Variants in CSGALNACT2 observed in about 807,000 individuals in gnomAD.
CSGALNACT2 encodes the protein chondroitin sulfate N-acetylgalactosaminyltransferase 2.
Under a neutral mutation model 55.3 loss-of-function variants are expected in CSGALNACT2, and 35 were observed. The observed-to-expected ratio is 0.63, with a 90% CI of 0.48 to 0.84. CSGALNACT2 has a LOEUF of 0.84. Among genes scored for constraint, CSGALNACT2 ranks in the 40% least tolerant of loss-of-function variants. The probability of loss-of-function intolerance (pLI) is 0.00; values close to 1 mark genes in which losing one functional copy is unlikely to be tolerated. For missense variants in CSGALNACT2, 544 were observed against 657.5 expected, an observed-to-expected ratio of 0.83 and a Z score of 1.89; for synonymous variants, 196 against 224.9, an observed-to-expected ratio of 0.87 and a Z score of 1.15.
chr10:43,158,575 G>T (rs895013969), intron 2 of CSGALNACT2, 140 bp from the exon 3 acceptor site: 11 of 595,196 alleles, frequency 1.8e-5, no homozygotes, highest in Middle Eastern at 7.2e-4. Flanking sequence ...GTGCAGTGGG[G>T]ATAAGTATTT....
chr10:43,168,151 G>A (rs968595748), intron 6 of CSGALNACT2, among the ~76,000 whole-genome samples: 5 of 152,110 alleles, frequency 3.3e-5, no homozygotes, highest in African/African-American at 7.2e-5. Context: ...AGTATTTTAT[G>A]AATAAAAGAG....
intron 6 of CSGALNACT2, among the ~76,000 whole-genome samples, chr10:43,168,598 G>A (rs78346520): frequency 0.044 from 6,663 of 151,810 alleles, 182 homozygotes; most frequent in South Asian, 0.09. Context: ...GGTAATATTA[G>A]CACCATATGA....
At chr10:43,165,023 A>G (rs1209588439) in intron 5 of CSGALNACT2, among the ~76,000 whole-genome samples, 1 of 152,058 alleles carries the variant, frequency 6.6e-6, no homozygotes, top group African/African-American at 2.4e-5. Flanking sequence ...AGAGATGGAG[A>G]CCATCCTGGC....
intron 3 of CSGALNACT2, 59 bp from the exon 4 acceptor site, chr10:43,160,435 T>C (rs1035138361): frequency 1.2e-6 from 1 of 857,576 alleles, no homozygotes; most frequent in Non-Finnish European, 1.9e-6. Context: ...GTGGTTGCTT[T>C]CTTAATGAAT....
At chr10:43,151,881 AT>A (rs945321467) in intron 1 of CSGALNACT2, among the ~76,000 whole-genome samples, 5 of 152,030 alleles carry the variant, frequency 3.3e-5, no homozygotes, top group African/African-American at 1.2e-4. Flanking sequence ...CTTGAAAATC[AT>A]TGTTTCATAT....
intron 7 of CSGALNACT2, among the ~76,000 whole-genome samples, chr10:43,178,538 A>G (rs999111155): frequency 2.6e-5 from 4 of 151,094 alleles, no homozygotes; most frequent in African/African-American, 9.7e-5. Flanking sequence ...GGAGAATGGC[A>G]TGAACCTGGG....
chr10:43,167,060 G>T lies in CSGALNACT2; in HGVS notation c.1216G>T (p.Ala406Ser), dbSNP rs1376906534. 1 of 1,613,148 alleles carries T rather than the reference G, an allele frequency of 6.2e-7. No individual in the cohort carries two copies. The highest frequency in any genetic ancestry group is 2.2e-5 in the East Asian group (1 of 44,850). ...FSLYNPAIVY[A>S]NQEVPPPVEQ... is the part of the protein sequence containing the mutation. ...TCTTTACAATCCTGCCATTGTTTAT[G>T]CCAACCAGGAAGTGCCACCACCTGT... The change falls in exon 6 of 8, where the codon GCC becomes TCC. Residue 406 changes from alanine to serine, a missense_variant. Transcript: ENST00000374466.
intron 4 of CSGALNACT2, chr10:43,162,492 G>C: frequency 1.0e-6 from 1 of 985,364 alleles, no homozygotes; most frequent in Non-Finnish European, 1.2e-6. Context: ...GAGTATGTGG[G>C]GTGGCAATGG....
At chr10:43,147,446 C>T (rs928451089) in intron 1 of CSGALNACT2, among the ~76,000 whole-genome samples, 2 of 152,188 alleles carry the variant, frequency 1.3e-5, no homozygotes, top group African/African-American at 2.4e-5. Flanking sequence ...CTTGTCTTCT[C>T]ATTCTCTTAA....
intron 7 of CSGALNACT2, among the ~76,000 whole-genome samples, chr10:43,180,826 C>T (rs927658511): frequency 1.3e-5 from 2 of 152,198 alleles, no homozygotes; most frequent in Non-Finnish European, 2.9e-5. Context: ...CTGAATTTCA[C>T]ACATGCTTCT....
At chr10:43,152,607 T>C (rs1342498469) in intron 1 of CSGALNACT2, among the ~76,000 whole-genome samples, 1 of 152,188 alleles carries the variant, frequency 6.6e-6, no homozygotes, top group African/African-American at 2.4e-5. Flanking sequence ...AAACCTTCAG[T>C]AGTGACCTAT....
At chr10:43,158,415 T>C (rs1447569200) in intron 2 of CSGALNACT2, among the ~76,000 whole-genome samples, 1 of 152,218 alleles carries the variant, frequency 6.6e-6, no homozygotes, top group East Asian at 1.9e-4. Context: ...TTATTTATCA[T>C]GATTACCATA....
intron 2 of CSGALNACT2, among the ~76,000 whole-genome samples, 175 bp downstream of exon 2, chr10:43,155,985 C>A (rs1838999602): frequency 6.6e-6 from 1 of 152,126 alleles, no homozygotes; most frequent in African/African-American, 2.4e-5. Flanking sequence ...AAAGTTTTTG[C>A]ACTTCATTGC....
In CSGALNACT2 at chr10:43,145,336, A is replaced by G. The variant is rs151094783; in HGVS notation, c.-254+6769A>G. On this transcript the variant is annotated intron_variant, in intron 1 of 7. Coordinates refer to ENST00000374466, the MANE Select transcript of CSGALNACT2 (RefSeq NM_018590.5). ...TTTATATAGTTGCCTTGTTTAGTCC[A>G]TCCTATTGGAAAGTCCCTAGTTATG... 1.6e-3 allele frequency among the ~76,000 whole-genome samples: 244 copies of G among 151,522 alleles called. 1 individual carries two copies. The highest frequency in any genetic ancestry group is 4.2e-3 in the Admixed American group (64 of 15,228).
At chr10:43,149,214 C>G (rs147441335) in intron 1 of CSGALNACT2, among the ~76,000 whole-genome samples, 6,670 of 152,232 alleles carry the variant, frequency 0.044, 182 homozygotes, top group South Asian at 0.089. Flanking sequence ...TCCTGAGTAG[C>G]TGGGACTGCA....
At chr10:43,144,992 T>A (rs1473051437) in intron 1 of CSGALNACT2, among the ~76,000 whole-genome samples, 2 of 152,228 alleles carry the variant, frequency 1.3e-5, no homozygotes, top group Non-Finnish European at 2.9e-5. Flanking sequence ...TATTCCTTTT[T>A]ATTGCTAAGC....
chr10:43,182,626 A>G (rs546283667), intron 7 of CSGALNACT2, among the ~76,000 whole-genome samples: 3 of 152,078 alleles, frequency 2.0e-5, no homozygotes, highest in East Asian at 1.9e-4. Context: ...AATGCCTGCA[A>G]TCCAGCACTT....
At position 43,155,022 on chromosome 10, in the gene CSGALNACT2, A is replaced by G; in HGVS notation, c.-128A>G. 1 of 791,722 alleles carries G rather than the reference A, an allele frequency of 1.3e-6. No homozygotes were observed. Among genetic ancestry groups the G allele is most frequent in the South Asian group, 1.9e-5 (1 of 51,904 alleles). The allele number at this position is 791,722 out of a possible 1,614,324, so 49.0% of individuals were successfully genotyped here. A position where few individuals can be genotyped will look rare whatever the true frequency, so the allele number is the denominator to read the frequency against. On this transcript the variant is annotated 5_prime_UTR_variant, in exon 2 of 8. Transcript: ENST00000374466. ...AGTAGTCATGACTGCTGAAGAAAGAAAAACTTAAAGCTACGGCAGAATTAT... is the reference window on the plus strand; with the variant it reads ...AGTAGTCATGACTGCTGAAGAAAGAGAAACTTAAAGCTACGGCAGAATTAT...
At chr10:43,138,723 G>C (rs1399298965) in intron 1 of CSGALNACT2, among the ~76,000 whole-genome samples, 156 bp downstream of exon 1, 1 of 152,120 alleles carries the variant, frequency 6.6e-6, no homozygotes, top group African/African-American at 2.4e-5. Flanking sequence ...GGATGAGCCT[G>C]CCGGAGTCGG....
Sources: allele counts gnomAD v4.1 joint callset (sites outside exome capture counted in the v4.1 genomes callset), GRCh38; gene constraint gnomAD v4.1.1; transcripts MANE v1.5; gene names NCBI Gene and HGNC (gene_info 2026-07-23, HGNC 2026-07-21).